The following ACMSD variants were observed in gnomAD, a reference collection of about 807,000 sequenced individuals.
ACMSD encodes aminocarboxymuconate semialdehyde decarboxylase.
Under a neutral mutation model 45.9 loss-of-function variants are expected in ACMSD, and 37 were observed. The ratio of observed to expected loss-of-function variants is 0.81; its 90% confidence interval spans 0.62 to 1.06. The LOEUF is 1.06. Ranked by LOEUF, ACMSD falls within the 50% of genes least tolerant of loss-of-function variation. The pLI, the probability that ACMSD is intolerant of heterozygous loss-of-function variation, is 0.00. For missense variants in ACMSD, 434 were observed against 420.9 expected (o/e 1.03, Z -0.27); for synonymous variants, 138 against 148.8 (o/e 0.93, Z 0.53).
At chr2:134,885,254 A>G (rs1444240532) in intron 8 of ACMSD, among the ~76,000 whole-genome samples, 1 of 107,646 alleles carries the variant, frequency 9.3e-6, no homozygotes, top group Admixed American at 1.5e-4. Context: ...ATATTTATAT[A>G]TAATATATAT....
chr2:134,867,451 AAAAG>A (rs1351286014), intron 5 of ACMSD, 124 bp from the exon 6 acceptor site: 1 of 623,570 alleles, frequency 1.6e-6, no homozygotes, highest in African/African-American at 1.8e-5. Flanking sequence ...AAACAACTTA[AAAAG>A]CATTTTAGTT....
At chr2:134,890,675 T>C (rs532200847) in intron 8 of ACMSD, among the ~76,000 whole-genome samples, 21 of 151,988 alleles carry the variant, frequency 1.4e-4, no homozygotes, top group Non-Finnish European at 2.8e-4. Context: ...TAAGGAGCCA[T>C]GACATCTCCA....
chr2:134,889,901 G>T, intron 8 of ACMSD, among the ~76,000 whole-genome samples: 1 of 151,948 alleles, frequency 6.6e-6, no homozygotes, highest in Non-Finnish European at 1.5e-5. Flanking sequence ...AGTCCAAAAT[G>T]ATATAAATAA....
intron 2 of ACMSD, among the ~76,000 whole-genome samples, chr2:134,853,541 T>C (rs923351918): frequency 1.3e-5 from 2 of 152,180 alleles, no homozygotes; most frequent in African/African-American, 4.8e-5. Flanking sequence ...AGATCTTGGT[T>C]AATGCTGAGG....
chr2:134,851,688 C>A (rs573580431), intron 2 of ACMSD, among the ~76,000 whole-genome samples: 102 of 152,300 alleles, frequency 6.7e-4, no homozygotes, highest in African/African-American at 2.2e-3. Flanking sequence ...GGTTATCCAC[C>A]CGCCTTGGCC....
intron 8 of ACMSD, among the ~76,000 whole-genome samples, chr2:134,889,903 TATAA>T (rs1318324971): frequency 2.0e-5 from 3 of 152,086 alleles, no homozygotes; most frequent in Admixed American, 2.0e-4. Context: ...TCCAAAATGA[TATAA>T]ATAAAAAGAA....
intron 8 of ACMSD, among the ~76,000 whole-genome samples, chr2:134,885,299 AT>A (rs1344120088): frequency 6.9e-5 from 6 of 86,958 alleles, no homozygotes; most frequent in South Asian, 4.3e-4. Context: ...ATTTATATAT[AT>A]ATTTAAATAT....
At position 134,901,936 on chromosome 2, in the gene ACMSD, C is replaced by CA. The variant is rs1305438353; in HGVS notation, c.*80dup. On this transcript the variant is annotated 3_prime_UTR_variant, in exon 10 of 10. Transcript: ENST00000356140. ...CTAAATATGTATCAACAGGTATCAA[C>CA]AAAATCCTATTTTGAACTATTTTAC... is the stretch of plus-strand genomic sequence containing the variant. 2 of 1,077,908 alleles carry CA rather than the reference C, an allele frequency of 1.9e-6. No individual in the cohort carries two copies. The highest frequency in any genetic ancestry group is 2.7e-6 in the Non-Finnish European group (2 of 741,906). The allele number at this position is 1,077,908 out of a possible 1,614,324, so 66.8% of individuals were successfully genotyped here.
chr2:134,874,807 T>C (rs913777593), intron 8 of ACMSD, among the ~76,000 whole-genome samples: 1 of 152,184 alleles, frequency 6.6e-6, no homozygotes, highest in Non-Finnish European at 1.5e-5. Flanking sequence ...ATATTAGTAC[T>C]GGTTTAAATG....
rs1389284137 is a variant in ACMSD, at chr2:134,845,292, A to G, written c.102+15A>G. The G allele has an allele frequency of 1.2e-6, 2 of 1,613,908 alleles. No homozygotes were observed. The highest frequency in any genetic ancestry group is 2.7e-5 in the African/African-American group (2 of 74,898). On this transcript the variant is annotated intron_variant, in intron 2 of 9. Transcript: ENST00000356140. ...ACCACAGCAAGGTGAGTTTCTTCCAAAGTATGAACATCAGTAGCACTCAGG... is the reference window on the plus strand; with the variant it reads ...ACCACAGCAAGGTGAGTTTCTTCCAGAGTATGAACATCAGTAGCACTCAGG...
At chr2:134,881,430 G>T (rs1386962006) in intron 8 of ACMSD, among the ~76,000 whole-genome samples, 1 of 152,190 alleles carries the variant, frequency 6.6e-6, no homozygotes, top group African/African-American at 2.4e-5. Context: ...AATAAGCAGA[G>T]ATATGATCTT....
intron 9 of ACMSD, among the ~76,000 whole-genome samples, chr2:134,899,396 C>T (rs976302483): frequency 3.9e-5 from 6 of 152,092 alleles, no homozygotes; most frequent in Admixed American, 3.3e-4. Flanking sequence ...AAGTCTTGAA[C>T]TGTTAAATAT....
At chr2:134,848,645 G>C (rs576333960) in intron 2 of ACMSD, among the ~76,000 whole-genome samples, 1 of 151,958 alleles carries the variant, frequency 6.6e-6, no homozygotes, top group Non-Finnish European at 1.5e-5. Flanking sequence ...TTGTAAATTT[G>C]TTTAAGTTCC....
chr2:134,872,254 G>C (rs567725288), intron 7 of ACMSD, among the ~76,000 whole-genome samples: 1 of 152,216 alleles, frequency 6.6e-6, no homozygotes, highest in African/African-American at 2.4e-5. Context: ...ATTGTGCCTG[G>C]CCTGTCTTCT....
intron 4 of ACMSD, chr2:134,863,130 C>A: frequency 1.2e-6 from 1 of 839,672 alleles, no homozygotes; most frequent in Non-Finnish European, 1.4e-6. Context: ...GGATACCATG[C>A]CAGTAATTGT....
chr2:134,895,176 T>C (rs1690031305), intron 8 of ACMSD, among the ~76,000 whole-genome samples: 1 of 151,576 alleles, frequency 6.6e-6, no homozygotes, highest in African/African-American at 2.4e-5. Context: ...TGTGGTGGCA[T>C]GCACCTGTAA....
intron 8 of ACMSD, among the ~76,000 whole-genome samples, chr2:134,874,880 AT>A (rs1688652374): frequency 6.6e-6 from 1 of 152,252 alleles, no homozygotes; most frequent in African/African-American, 2.4e-5. Flanking sequence ...ATAATGGGAA[AT>A]CAGTAAATAC....
chr2:134,887,858 C>T (rs192458421), intron 8 of ACMSD, among the ~76,000 whole-genome samples: 64 of 152,254 alleles, frequency 4.2e-4, no homozygotes, highest in Non-Finnish European at 5.9e-5. Context: ...ACCAGCCATA[C>T]ACAAAACTTA....
intron 6 of ACMSD, among the ~76,000 whole-genome samples, chr2:134,870,480 C>T (rs891852759): frequency 2.0e-5 from 3 of 152,160 alleles, no homozygotes; most frequent in African/African-American, 7.2e-5. Context: ...TTTTGTTGAG[C>T]ACCTCCATTG....
Sources: gnomAD v4.1 joint callset for allele counts (sites outside exome capture counted in the v4.1 genomes callset) on GRCh38, gnomAD v4.1.1 for gene constraint, MANE v1.5 for transcripts, NCBI Gene and HGNC (gene_info 2026-07-23, HGNC 2026-07-21) for gene names.